The following VTI1B variants were observed in gnomAD, a reference collection of about 807,000 sequenced individuals.
VTI1B encodes the protein vesicle transport through interaction with t-SNAREs homolog 1B.
A neutral mutation model predicts 28.6 loss-of-function variants in VTI1B; 18 were observed. The ratio of observed to expected loss-of-function variants is 0.63; its 90% CI spans 0.43 to 0.93. The LOEUF (loss-of-function observed/expected upper bound fraction) is 0.93. VTI1B is among the 40% of genes least tolerant of loss of function. The probability of loss-of-function intolerance (pLI) is 0.00; values close to 1 mark genes in which losing one functional copy is unlikely to be tolerated. For missense variants in VTI1B, 283 were observed against 297.0 expected, an observed-to-expected ratio of 0.95 and a Z score of 0.35; for synonymous variants, 100 against 107.9, an observed-to-expected ratio of 0.93 and a Z score of 0.46.
chr14:67,651,323 T>A lies in VTI1B; in HGVS notation c.*62A>T, dbSNP rs2037172569. 6.2e-7 allele frequency: 1 copy of A among 1,610,530 alleles called. No homozygotes were observed. The highest frequency in any genetic ancestry group is 8.5e-7 in the Non-Finnish European group (1 of 1,177,956). Reference sequence around the variant, plus strand: ...CAGCAATATGCTTATTCTATCCACATCCCTAACATCATGCATTCACAAGGT... The same window carrying A: ...CAGCAATATGCTTATTCTATCCACAACCCTAACATCATGCATTCACAAGGT... On this transcript the variant is annotated 3_prime_UTR_variant, in exon 6 of 6. Coordinates refer to ENST00000554659, the MANE Select transcript of VTI1B (RefSeq NM_006370.3).
At chr14:67,656,096 A>G (rs1047008285) in intron 4 of VTI1B, among the ~76,000 whole-genome samples, 1 of 152,008 alleles carries the variant, frequency 6.6e-6, no homozygotes. Context: ...AAATACAAAC[A>G]TTAGCTAGGC....
chr14:67,662,391 CA>C (rs1001037381), intron 2 of VTI1B, 85 bp downstream of exon 2: 8 of 1,152,612 alleles, frequency 6.9e-6, no homozygotes, highest in Non-Finnish European at 1.0e-5. Context: ...TGGACAGGAA[CA>C]GTTAATTTGT....
intron 1 of VTI1B, among the ~76,000 whole-genome samples, chr14:67,672,919 G>C (rs1210681027): frequency 6.6e-6 from 1 of 152,118 alleles, no homozygotes; most frequent in Admixed American, 6.5e-5. Context: ...CAAACACATG[G>C]AACTTCCTGC....
chr14:67,654,252 C>T (rs1274454008), intron 4 of VTI1B, among the ~76,000 whole-genome samples: 2 of 152,116 alleles, frequency 1.3e-5, no homozygotes, highest in African/African-American at 2.4e-5. Context: ...CACAGGTGCA[C>T]GCCACCACAC....
At chr14:67,657,624 C>CACACACACACACACA in intron 3 of VTI1B, among the ~76,000 whole-genome samples, 1 of 143,166 alleles carries the variant, frequency 7.0e-6, no homozygotes, top group South Asian at 2.1e-4. Flanking sequence ...ACACACACAC[C>CACACACACACACACA]CAAAATCAAA....
chr14:67,662,775 G>A (rs2037353663), intron 1 of VTI1B, among the ~76,000 whole-genome samples: 1 of 151,846 alleles, frequency 6.6e-6, no homozygotes, highest in Non-Finnish European at 1.5e-5. Context: ...GTGGTGGCAG[G>A]CACCTGTAAT....
Position 67,650,764 on chromosome 14 carries a change from C to A in VTI1B, c.*621G>T. 6.2e-7 allele frequency: 1 copy of A among 1,614,142 alleles called. No homozygotes were observed. Among genetic ancestry groups the A allele is most frequent in the Non-Finnish European group, 8.5e-7 (1 of 1,180,028 alleles). On this transcript the variant is annotated 3_prime_UTR_variant, in exon 6 of 6. Transcript: ENST00000554659. ...TTGAAGTCAATCCTCAGTTGGCCACCTCAGAGGAAGAGGCGAAGACTACAG... is the reference window on the plus strand; with the variant it reads ...TTGAAGTCAATCCTCAGTTGGCCACATCAGAGGAAGAGGCGAAGACTACAG...
At chr14:67,662,343 G>A (rs2037348449) in intron 2 of VTI1B, 134 bp downstream of exon 2, 1 of 786,698 alleles carries the variant, frequency 1.3e-6, no homozygotes, top group Non-Finnish European at 2.1e-6. Flanking sequence ...CCCATCAACT[G>A]GCTTCATTTA....
At chr14:67,662,556 T>G in intron 1 of VTI1B, 21 bp from the exon 2 acceptor site, 1 of 1,594,384 alleles carries the variant, frequency 6.3e-7, no homozygotes, top group East Asian at 2.2e-5. Context: ...TAGATAAGTT[T>G]CAAATGCTTA....
Position 67,651,224 on chromosome 14 carries a change from A to G in VTI1B, c.*161T>C. 7.2e-7 allele frequency: 1 copy of G among 1,380,048 alleles called. No individual in the cohort carries two copies. The highest frequency in any genetic ancestry group is 9.7e-7 in the Non-Finnish European group (1 of 1,032,054). 85.5% of individuals were successfully genotyped at this position (1,380,048 alleles called of 1,614,324 possible). A position where few individuals can be genotyped will look rare whatever the true frequency, so the allele number is the denominator to read the frequency against. ...TTGTTGCTGTTGTTCCTTCACATTT[A>G]AGTGGTTTTTCATCTTTCCTCCCTC... On this transcript the variant is annotated 3_prime_UTR_variant, in exon 6 of 6. Transcript: ENST00000554659.
rs1594844267 is a variant in VTI1B at position 67,674,599 on chromosome 14, A to C, written c.-110T>G. 2.4e-6 allele frequency: 2 copies of C among 828,156 alleles called. No homozygotes were observed. Among genetic ancestry groups the C allele is most frequent in the African/African-American group, 1.8e-5 (1 of 55,070 alleles). 51.3% of individuals were successfully genotyped at this position (828,156 alleles called of 1,614,324 possible). On this transcript the variant is annotated 5_prime_UTR_variant, in exon 1 of 6. Coordinates refer to ENST00000554659, the MANE Select transcript of VTI1B (RefSeq NM_006370.3). ...TGGCCATAACGGCGACCGCCGCACC[A>C]CCGCCGCCCAGGACGAGGCTCTTCC...
intron 4 of VTI1B, among the ~76,000 whole-genome samples, chr14:67,655,053 A>T (rs913376732): frequency 6.7e-5 from 10 of 150,244 alleles, no homozygotes; most frequent in Non-Finnish European, 8.9e-5. Context: ...AAAAAAAAAA[A>T]TTCCAGCTGG....
Position 67,647,334 on chromosome 14 carries a change from C to T in VTI1B, c.*4051G>A, listed in dbSNP as rs564299047. 1.1e-4 allele frequency: 27 copies of T among 236,514 alleles called. No homozygotes were observed. The highest frequency in any genetic ancestry group is 5.2e-4 in the African/African-American group (23 of 44,188). 14.7% of individuals were successfully genotyped at this position (236,514 alleles called of 1,614,324 possible). A position where few individuals can be genotyped will look rare whatever the true frequency, so the allele number is the denominator to read the frequency against. ...AACTGTCCCATTCTTCCCAGCCTCA[C>T]GATTGTTTCATCTGAGTTTTATATT... On this transcript the variant is annotated 3_prime_UTR_variant, in exon 6 of 6. Coordinates refer to ENST00000554659, the MANE Select transcript of VTI1B (RefSeq NM_006370.3).
In VTI1B at chr14:67,659,885, A is replaced by T; in HGVS notation, c.212T>A (p.Leu71Gln). Residue 71 changes from leucine to glutamine, a missense_variant, in exon 3 of 6, where the codon CTG becomes CAG. Physicochemically the swap from Leu to Gln is moderately radical, Grantham distance 113 (BLOSUM62 -2). Coordinates refer to ENST00000554659, the MANE Select transcript of VTI1B (RefSeq NM_006370.3). ...AGACATCATGGGGTTTCGGAAAGAC[A>T]GGGGTGCATAACGTAGCTCCTCCTC... Reference protein sequence around the residue: ...EMEEELRYAPLSFRNPMMSKL... With the variant: ...EMEEELRYAPQSFRNPMMSKL... 1 of 1,614,152 alleles carries T rather than the reference A, an allele frequency of 6.2e-7. No homozygotes were observed. Among genetic ancestry groups the T allele is most frequent in the South Asian group, 1.1e-5 (1 of 91,066 alleles).
At chr14:67,661,278 C>CAA (rs1208811725) in intron 2 of VTI1B, among the ~76,000 whole-genome samples, 9,267 of 55,702 alleles carry the variant, frequency 0.17, 872 homozygotes, top group East Asian at 0.23. Context: ...AGGGCTAGAG[C>CAA]AAAAAAAAAA....
At position 67,647,102 on chromosome 14, in the gene VTI1B, C is replaced by G; in HGVS notation, c.*4283G>C. The G allele has an allele frequency of 1.0e-6, 1 of 953,658 alleles. No homozygotes were observed. The highest frequency in any genetic ancestry group is 1.5e-5 in the South Asian group (1 of 68,880). The allele number at this position is 953,658 out of a possible 1,614,324, so 59.1% of individuals were successfully genotyped here. A position where few individuals can be genotyped will look rare whatever the true frequency, so the allele number is the denominator to read the frequency against. On this transcript the variant is annotated 3_prime_UTR_variant, in exon 6 of 6. Coordinates refer to ENST00000554659, the MANE Select transcript of VTI1B (RefSeq NM_006370.3). ...TTAGCCTGTTTCTTGAGGACAGCAG[C>G]TTTACTTTTAAAATACAAAGCAAAA...
chr14:67,655,968 G>C (rs10150532), intron 4 of VTI1B, among the ~76,000 whole-genome samples: 1 of 152,134 alleles, frequency 6.6e-6, no homozygotes, highest in Non-Finnish European at 1.5e-5. Context: ...CAAAGCGGCC[G>C]GGCACAGTGG....
Position 67,650,845 on chromosome 14 carries a change from G to T in VTI1B, c.*540C>A. ...GCTTTGGTCAGACAAGAGAAGGAGGGCATATTGTCTATGACCAACTTCCTA... is the reference window on the plus strand; with the variant it reads ...GCTTTGGTCAGACAAGAGAAGGAGGTCATATTGTCTATGACCAACTTCCTA... On this transcript the variant is annotated 3_prime_UTR_variant, in exon 6 of 6. Coordinates refer to ENST00000554659, the MANE Select transcript of VTI1B (RefSeq NM_006370.3). The T allele has an allele frequency of 6.2e-7, 1 of 1,614,098 alleles. No homozygotes were observed. Among genetic ancestry groups the T allele is most frequent in the Non-Finnish European group, 8.5e-7 (1 of 1,179,992 alleles).
Position 67,650,880 on chromosome 14 carries a change from C to T in VTI1B, c.*505G>A. On this transcript the variant is annotated 3_prime_UTR_variant, in exon 6 of 6. Coordinates refer to ENST00000554659, the MANE Select transcript of VTI1B (RefSeq NM_006370.3). Reference sequence around the variant, plus strand: ...TATGACCAACTTCCTACTCCCAGTTCACCAGATGAATCAGAAAATCAAGCA... The same window carrying T: ...TATGACCAACTTCCTACTCCCAGTTTACCAGATGAATCAGAAAATCAAGCA... 1 of 1,614,186 alleles carries T rather than the reference C, an allele frequency of 6.2e-7. No homozygotes were observed. The highest frequency in any genetic ancestry group is 8.5e-7 in the Non-Finnish European group (1 of 1,180,014).
Sources: allele counts gnomAD v4.1 joint callset (sites outside exome capture counted in the v4.1 genomes callset), GRCh38; gene constraint gnomAD v4.1.1; transcripts MANE v1.5; gene names NCBI Gene and HGNC (gene_info 2026-07-23, HGNC 2026-07-21).